NXN: variants seen among roughly 807,000 people sequenced by gnomAD.
NXN encodes nucleoredoxin, also known as nucleoredoxin 1.
In NXN, 16 loss-of-function variants were observed where a neutral mutation model predicts 48.6. That is an observed-to-expected ratio of 0.33 (90% confidence interval 0.22 to 0.50). The LOEUF (loss-of-function observed/expected upper bound fraction) is 0.50. Among genes scored for constraint, NXN ranks in the 20% least tolerant of loss-of-function variants. The pLI is 0.98. For synonymous variants in NXN, 281 were observed against 269.6 expected, an observed-to-expected ratio of 1.04 and a Z score of -0.41; for missense variants, 492 against 605.5, an observed-to-expected ratio of 0.81 and a Z score of 1.97.
intron 1 of NXN, among the ~76,000 whole-genome samples, chr17:914,064 T>TC: frequency 6.6e-6 from 1 of 152,142 alleles, no homozygotes; most frequent in East Asian, 1.9e-4. Context: ...CACACCCAGC[T>TC]AATTTTTGTA....
At chr17:901,299 G>A (rs1407907550) in intron 1 of NXN, among the ~76,000 whole-genome samples, 3 of 152,146 alleles carry the variant, frequency 2.0e-5, no homozygotes, top group Non-Finnish European at 4.4e-5. Flanking sequence ...AGGGATCTGT[G>A]GGGGGAGATG....
chr17:934,528 C>T (rs1017847994), intron 1 of NXN, among the ~76,000 whole-genome samples: 5 of 151,970 alleles, frequency 3.3e-5, no homozygotes, highest in African/African-American at 9.6e-5. Context: ...CTGGAAAAGA[C>T]GCTGAATTGG....
At chr17:964,416 G>C (rs559323333) in intron 1 of NXN, among the ~76,000 whole-genome samples, 13 of 152,292 alleles carry the variant, frequency 8.5e-5, no homozygotes, top group African/African-American at 3.1e-4. Context: ...TTCCACCCCA[G>C]TCTCTGCAAA....
intron 1 of NXN, among the ~76,000 whole-genome samples, chr17:970,642 C>T (rs576532292): frequency 2.6e-5 from 4 of 152,196 alleles, no homozygotes; most frequent in Admixed American, 6.5e-5. Context: ...CCATGCGGAA[C>T]GTTTGATGTG....
chr17:967,010 T>C (rs1254683383), intron 1 of NXN, among the ~76,000 whole-genome samples: 1 of 152,006 alleles, frequency 6.6e-6, no homozygotes, highest in Non-Finnish European at 1.5e-5. Context: ...CCTCAGGAGA[T>C]GGTGTGTTGG....
At chr17:852,615 G>T (rs1273861241) in intron 1 of NXN, among the ~76,000 whole-genome samples, 1 of 152,178 alleles carries the variant, frequency 6.6e-6, no homozygotes, top group Admixed American at 6.5e-5. Flanking sequence ...CCTGGAAGCG[G>T]ATATGGAGCA....
intron 1 of NXN, among the ~76,000 whole-genome samples, chr17:834,007 T>C (rs1357486053): frequency 6.6e-6 from 1 of 152,190 alleles, no homozygotes; most frequent in East Asian, 1.9e-4. Context: ...CTGAGAGAAC[T>C]CACTGTCCTT....
chr17:810,409 C>T (rs933913151), intron 5 of NXN, among the ~76,000 whole-genome samples: 3 of 152,124 alleles, frequency 2.0e-5, no homozygotes, highest in African/African-American at 7.2e-5. Flanking sequence ...AGCGAGATAT[C>T]TATGTCTAGT....
At chr17:811,267 G>A (rs1344660147) in intron 5 of NXN, among the ~76,000 whole-genome samples, 1 of 152,300 alleles carries the variant, frequency 6.6e-6, no homozygotes, top group African/African-American at 2.4e-5. Context: ...CCCTCAGGCC[G>A]TCCGCCCTCC....
chr17:815,435 C>A (rs1282416573), intron 5 of NXN, among the ~76,000 whole-genome samples: 1 of 150,988 alleles, frequency 6.6e-6, no homozygotes, highest in Non-Finnish European at 1.5e-5. Context: ...CACTCTAGAT[C>A]CCTAAGCTCT....
intron 1 of NXN, among the ~76,000 whole-genome samples, chr17:878,709 C>T (rs1363645185): frequency 6.6e-6 from 1 of 152,020 alleles, no homozygotes; most frequent in South Asian, 2.1e-4. Flanking sequence ...AACAATAGTG[C>T]CCCAACCTGA....
Position 805,261 on chromosome 17 carries a change from G to C in NXN, c.821-14C>G, listed in dbSNP as rs976039467. On this transcript the variant is annotated splice_polypyrimidine_tract_variant and intron_variant, in intron 5 of 7. Transcript: ENST00000336868. Reference sequence around the variant, plus strand: ...GCGTGGGGATGCCTGCAGGGAAGAGGGGGTGCTTGGCCGCTGGCCCGGGAG... The same window carrying C: ...GCGTGGGGATGCCTGCAGGGAAGAGCGGGTGCTTGGCCGCTGGCCCGGGAG... 3 of 1,599,962 alleles carry C rather than the reference G, an allele frequency of 1.9e-6. No homozygotes were observed. The highest frequency in any genetic ancestry group is 1.3e-5 in the African/African-American group (1 of 74,814).
At chr17:955,612 G>A (rs1418324040) in intron 1 of NXN, among the ~76,000 whole-genome samples, 1 of 144,810 alleles carries the variant, frequency 6.9e-6, no homozygotes, top group South Asian at 2.2e-4. Context: ...CAGCACCTCG[G>A]GAGGCCGGAC....
rs552664671 is a variant in NXN at position 875,575 on chromosome 17, T to C, written c.361-49497A>G. Among the ~76,000 whole-genome samples the C allele has an allele frequency of 2.8e-3, 426 of 151,956 alleles. 2 individuals are homozygous for C. The highest frequency in any genetic ancestry group is 6.8e-3 in the Middle Eastern group (2 of 294). On this transcript the variant is annotated intron_variant, in intron 1 of 7. Coordinates refer to ENST00000336868, the MANE Select transcript of NXN (RefSeq NM_022463.5). ...AGACTAGTGTGAAATGAAATAGGGT[T>C]TTTTTGTTGTTTTGGTTGTGGTGTT...
At chr17:961,688 A>T (rs1472001657) in intron 1 of NXN, among the ~76,000 whole-genome samples, 4 of 152,202 alleles carry the variant, frequency 2.6e-5, no homozygotes, top group African/African-American at 9.7e-5. Context: ...GGCTCACTGA[A>T]TCTTTGAAAA....
chr17:918,191 TCAAA>T (rs1489890055), intron 1 of NXN, among the ~76,000 whole-genome samples: 1 of 152,188 alleles, frequency 6.6e-6, no homozygotes, highest in Non-Finnish European at 1.5e-5. Context: ...CCTCCTGTAA[TCAAA>T]CAATCACAAA....
chr17:922,683 G>A (rs2068760209), intron 1 of NXN, among the ~76,000 whole-genome samples: 2 of 151,724 alleles, frequency 1.3e-5, no homozygotes, highest in African/African-American at 4.8e-5. Context: ...ACGGAGTCTT[G>A]CTCAGTTGCC....
chr17:810,309 G>GTGGTGTGCATGTTACGAGTCTGTGAC (rs1567810916), intron 5 of NXN, among the ~76,000 whole-genome samples: 5 of 87,488 alleles, frequency 5.7e-5, no homozygotes, highest in Non-Finnish European at 1.3e-4. Flanking sequence ...GAGTCTGTGA[G>GTGGTGTGCATGTTACGAGTCTGTGAC]TGGTGTGCAC....
intron 5 of NXN, among the ~76,000 whole-genome samples, chr17:806,135 CCTCCCCG>C (rs1911493015): frequency 2.9e-5 from 4 of 138,658 alleles, no homozygotes; most frequent in African/African-American, 8.5e-5. Flanking sequence ...GCACCCCAGC[CCTCCCCG>C]CTCCCCAGGG....
Sources: allele counts gnomAD v4.1 joint callset (sites outside exome capture counted in the v4.1 genomes callset), GRCh38; gene constraint gnomAD v4.1.1; transcripts MANE v1.5; gene names NCBI Gene and HGNC (gene_info 2026-07-23, HGNC 2026-07-21).